The following RGL1 variants were observed in gnomAD, a reference collection of about 807,000 sequenced individuals.
RGL1 encodes ral guanine nucleotide dissociation stimulator-like 1.
RGL1 carries 24 observed loss-of-function variants against 95.2 expected under a neutral mutation model. The ratio of observed to expected loss-of-function variants is 0.25; its 90% CI spans 0.18 to 0.35. The LOEUF (loss-of-function observed/expected upper bound fraction) is 0.35. Among genes scored for constraint, RGL1 ranks in the 10% least tolerant of loss-of-function variants. The pLI, the probability that RGL1 is intolerant of heterozygous loss-of-function variation, is 1.00. For synonymous variants in RGL1, 329 were observed against 344.9 expected, an observed-to-expected ratio of 0.95 and a Z score of 0.51; for missense variants, 715 against 936.3, an observed-to-expected ratio of 0.76 and a Z score of 3.08.
intron 2 of RGL1, among the ~76,000 whole-genome samples, chr1:183,823,041 G>A (rs913974835): frequency 6.6e-6 from 1 of 152,278 alleles, no homozygotes; most frequent in Admixed American, 6.5e-5. Context: ...TCAAAAGGTA[G>A]TAAGTGATTC....
In RGL1 at chr1:183,899,118, G is replaced by A. The variant is rs147842403; in HGVS notation, c.1231-1032G>A. Among the ~76,000 whole-genome samples the A allele has an allele frequency of 7.0e-3, 1,066 of 152,280 alleles. 15 individuals are homozygous for A. The highest frequency in any genetic ancestry group is 0.021 in the African/African-American group (882 of 41,558). ...CCTTCATTTCCAACTTTTTATTCTGGAATAAGTTTAGATTTACAGAAAAGC... is the reference window on the plus strand; with the variant it reads ...CCTTCATTTCCAACTTTTTATTCTGAAATAAGTTTAGATTTACAGAAAAGC... On this transcript the variant is annotated intron_variant, in intron 10 of 17. Coordinates refer to ENST00000360851, the MANE Select transcript of RGL1 (RefSeq NM_001297671.3).
chr1:183,871,767 A>G (rs549650595), intron 4 of RGL1, among the ~76,000 whole-genome samples: 2 of 152,350 alleles, frequency 1.3e-5, no homozygotes, highest in African/African-American at 4.8e-5. Flanking sequence ...AGTGTTCTTC[A>G]TGCATTTAAA....
At chr1:183,640,894 T>G (rs1336157930) in intron 1 of RGL1, among the ~76,000 whole-genome samples, 1 of 152,224 alleles carries the variant, frequency 6.6e-6, no homozygotes, top group Non-Finnish European at 1.5e-5. Flanking sequence ...GACATTATAT[T>G]GACTTTCGCT....
intron 2 of RGL1, among the ~76,000 whole-genome samples, chr1:183,823,636 A>G (rs192343039): frequency 7.0e-4 from 107 of 152,332 alleles, no homozygotes; most frequent in African/African-American, 2.4e-3. Context: ...AGGCAACTCT[A>G]CAATTATTCA....
At chr1:183,814,401 T>G (rs914933148) in intron 2 of RGL1, among the ~76,000 whole-genome samples, 6 of 151,938 alleles carry the variant, frequency 3.9e-5, no homozygotes, top group Non-Finnish European at 8.8e-5. Context: ...TGGTTGGGGG[T>G]GGGGTGTTGC....
At chr1:183,801,143 T>TTGTGTGTGTGTGTGTG (rs139990784), upstream of RGL1, among the ~76,000 whole-genome samples, 19 of 129,996 alleles carry the variant, frequency 1.5e-4, 1 homozygote, top group African/African-American at 5.0e-4. Context: ...ACTTGTTATT[T>TTGTGTGTGTGTGTGTG]TGTGTGTGTG....
At chr1:183,659,624 A>G (rs918699201) in intron 1 of RGL1, among the ~76,000 whole-genome samples, 16 of 152,162 alleles carry the variant, frequency 1.1e-4, no homozygotes, top group African/African-American at 3.6e-4. Flanking sequence ...CCAAGTTGGA[A>G]AACACTCTGC....
At chr1:183,712,107 T>C (rs780506748) in intron 1 of RGL1, among the ~76,000 whole-genome samples, 5 of 152,178 alleles carry the variant, frequency 3.3e-5, no homozygotes, top group Non-Finnish European at 7.3e-5. Context: ...AGAGACCCAG[T>C]GAGGGGCTAT....
intron 1 of RGL1, among the ~76,000 whole-genome samples, chr1:183,650,276 G>A (rs1650627880): frequency 6.6e-6 from 1 of 151,966 alleles, no homozygotes; most frequent in African/African-American, 2.4e-5. Context: ...AGGCGTGGTG[G>A]CTCACGCCTA....
intron 2 of RGL1, among the ~76,000 whole-genome samples, chr1:183,749,425 G>T (rs893631589): frequency 6.6e-6 from 1 of 151,920 alleles, no homozygotes; most frequent in African/African-American, 2.4e-5. Flanking sequence ...TGTTTTATTA[G>T]AGACTAGGAT....
chr1:183,829,803 C>T (rs753225391), intron 2 of RGL1, among the ~76,000 whole-genome samples: 38 of 152,128 alleles, frequency 2.5e-4, no homozygotes, highest in Middle Eastern at 3.2e-3. Context: ...TCCCCTGAAA[C>T]GTTCTCTCTC....
chr1:183,741,916 A>G (rs765568460), intron 1 of RGL1, among the ~76,000 whole-genome samples: 6 of 152,206 alleles, frequency 3.9e-5, no homozygotes, highest in Non-Finnish European at 8.8e-5. Flanking sequence ...GTTTGCCATT[A>G]TCAGAATGCA....
chr1:183,888,954 G>A (rs1667267379), intron 8 of RGL1, among the ~76,000 whole-genome samples: 1 of 152,150 alleles, frequency 6.6e-6, no homozygotes, highest in South Asian at 2.1e-4. Flanking sequence ...GGGGTAATGT[G>A]TGCAGATAGG....
chr1:183,722,395 A>G (rs1171582504), intron 1 of RGL1, among the ~76,000 whole-genome samples: 1 of 152,102 alleles, frequency 6.6e-6, no homozygotes, highest in East Asian at 1.9e-4. Flanking sequence ...AGAAGAGAGT[A>G]AAAGAGAACA....
Position 183,790,341 on chromosome 1 carries a change from C to A in RGL1, c.133-16034C>A, listed in dbSNP as rs867314054. Among the ~76,000 whole-genome samples the A allele has an allele frequency of 4.6e-5, 7 of 152,286 alleles. 1 individual carries two copies. In the Middle Eastern group the frequency reaches 0.017, roughly 370 times the overall value. On this transcript the variant is annotated intron_variant, in intron 2 of 18. Transcript: ENST00000304685. ...CACTTTTGTCCTGGAATCCTTGGAACCTACACCCAAAGCCAGTTTAATTTC... is the reference window on the plus strand; with the variant it reads ...CACTTTTGTCCTGGAATCCTTGGAAACTACACCCAAAGCCAGTTTAATTTC...
At chr1:183,658,140 G>A (rs1024374263) in intron 1 of RGL1, among the ~76,000 whole-genome samples, 1 of 152,244 alleles carries the variant, frequency 6.6e-6, no homozygotes, top group Non-Finnish European at 1.5e-5. Flanking sequence ...CGCAGAAGAT[G>A]GCTGATTTCT....
intron 2 of RGL1, among the ~76,000 whole-genome samples, chr1:183,815,273 C>CA (rs55883302): frequency 3.5e-5 from 5 of 142,684 alleles, no homozygotes; most frequent in African/African-American, 1.0e-4. Flanking sequence ...AACTCCATCT[C>CA]AAAAAAAAAA....
chr1:183,657,680 C>T (rs1048840558), intron 1 of RGL1, among the ~76,000 whole-genome samples: 1 of 151,730 alleles, frequency 6.6e-6, no homozygotes, highest in African/African-American at 2.4e-5. Flanking sequence ...TTTCTTAATC[C>T]AGTCTATCGT....
intron 3 of RGL1, among the ~76,000 whole-genome samples, chr1:183,852,627 A>G (rs1664891623): frequency 6.6e-6 from 1 of 152,138 alleles, no homozygotes; most frequent in Admixed American, 6.5e-5. Context: ...CAACCTGGCC[A>G]ACATGGTGAA....
Sources: allele counts gnomAD v4.1 joint callset (sites outside exome capture counted in the v4.1 genomes callset), GRCh38; gene constraint gnomAD v4.1.1; transcripts MANE v1.5; gene names NCBI Gene and HGNC (gene_info 2026-07-23, HGNC 2026-07-21).